Variants in RICTOR observed in about 807,000 individuals in gnomAD.
RICTOR encodes the protein rapamycin-insensitive companion of mTOR.
In RICTOR, 49 loss-of-function variants were observed where a neutral mutation model predicts 214.9. The ratio of observed to expected loss-of-function variants is 0.23; its 90% CI spans 0.18 to 0.29. The LOEUF is 0.29. Ranked by LOEUF, RICTOR falls within the 10% of genes least tolerant of loss-of-function variation. The pLI is 1.00. For synonymous variants in RICTOR, 717 were observed against 711.3 expected (o/e 1.01, Z -0.13); for missense variants, 1,625 against 2,047.0 (o/e 0.79, Z 3.98).
At chr5:39,046,028 AAAATAAATAAATAAATAAAT>A (rs141969707) in intron 2 of RICTOR, among the ~76,000 whole-genome samples, 1 of 140,236 alleles carries the variant, frequency 7.1e-6, no homozygotes, top group African/African-American at 2.7e-5. Context: ...TCTGTCTTTA[AAAATAAATAAATAAATAAAT>A]AAATAAATAA....
At chr5:38,970,756 AT>A (rs1455507703) in intron 11 of RICTOR, 3 of 152,184 alleles carry the variant, frequency 2.0e-5, no homozygotes, top group African/African-American at 7.2e-5. Context: ...TATAATACAA[AT>A]TCTTACAAAT....
chr5:39,035,041 C>A (rs1239756945), intron 2 of RICTOR, among the ~76,000 whole-genome samples: 1 of 152,210 alleles, frequency 6.6e-6, no homozygotes, highest in Non-Finnish European at 1.5e-5. Flanking sequence ...TGACCCCTGA[C>A]CCCTGAGCAG....
At chr5:39,052,616 G>C (rs1757928549) in intron 2 of RICTOR, among the ~76,000 whole-genome samples, 1 of 152,130 alleles carries the variant, frequency 6.6e-6, no homozygotes, top group South Asian at 2.1e-4. Context: ...ATAATTTGCA[G>C]TTTATATTTT....
At position 38,989,711 on chromosome 5, in the gene RICTOR, AAAG is replaced by A. The variant is rs1303363402; in HGVS notation, c.583+1235_583+1237del. Among the ~76,000 whole-genome samples the A allele has an allele frequency of 3.9e-5, 6 of 152,230 alleles. 1 individual carries two copies. The highest frequency in any genetic ancestry group is 3.3e-4 in the Admixed American group (5 of 15,284). ...AAAGGATATGAACAGACACTTCTCAAAAGAAGACATTTATGTGGCCAACAAACA... is the reference window on the plus strand; with the variant it reads ...AAAGGATATGAACAGACACTTCTCAAAAGACATTTATGTGGCCAACAAACA... On this transcript the variant is annotated intron_variant, in intron 7 of 37. Transcript: ENST00000357387.
rs1213795160 is a variant in RICTOR, at chr5:38,941,439, G to T, written c.*865C>A. 1.3e-5 allele frequency: 3 copies of T among 231,534 alleles called. No individual in the cohort carries two copies. Among genetic ancestry groups the T allele is most frequent in the Admixed American group, 1.1e-4 (2 of 17,680 alleles). 14.3% of individuals were successfully genotyped at this position (231,534 alleles called of 1,614,324 possible). Reference sequence around the variant, plus strand: ...TATTTAATGCTTTCCTATCCTTTAGGTCTAAACTAACAGTGCTTGTTCAAG... The same window carrying T: ...TATTTAATGCTTTCCTATCCTTTAGTTCTAAACTAACAGTGCTTGTTCAAG... On this transcript the variant is annotated 3_prime_UTR_variant, in exon 38 of 38. Transcript: ENST00000357387.
intron 2 of RICTOR, among the ~76,000 whole-genome samples, chr5:39,033,509 G>A (rs750724680): frequency 2.6e-5 from 4 of 152,174 alleles, no homozygotes; most frequent in Non-Finnish European, 4.4e-5. Context: ...TGATCCACCC[G>A]TCTTGGCCTC....
At chr5:39,046,738 T>G (rs1160610023) in intron 2 of RICTOR, among the ~76,000 whole-genome samples, 1 of 152,186 alleles carries the variant, frequency 6.6e-6, no homozygotes, top group Non-Finnish European at 1.5e-5. Context: ...GTTTAAAGAT[T>G]TGTATTCCCT....
chr5:38,979,243 A>C (rs1751500526), intron 8 of RICTOR, among the ~76,000 whole-genome samples: 1 of 152,124 alleles, frequency 6.6e-6, no homozygotes, highest in Admixed American at 6.5e-5. Context: ...TTGAACTCCT[A>C]GGCTCAAGCA....
At chr5:38,954,187 C>T (rs1411537436) in intron 27 of RICTOR, among the ~76,000 whole-genome samples, 1 of 151,800 alleles carries the variant, frequency 6.6e-6, no homozygotes, top group Non-Finnish European at 1.5e-5. Flanking sequence ...ACAAATATTC[C>T]TATAACTTTA....
chr5:39,023,127 C>T (rs1355660804), intron 2 of RICTOR, among the ~76,000 whole-genome samples: 1 of 149,322 alleles, frequency 6.7e-6, no homozygotes, highest in Non-Finnish European at 1.5e-5. Context: ...AACAAACAAA[C>T]AAAAAAGGAT....
At chr5:38,990,861 T>TATGATATATATATGATAGATATAA (rs1752720475) in intron 7 of RICTOR, 88 bp downstream of exon 7, 2 of 591,612 alleles carry the variant, frequency 3.4e-6, no homozygotes, top group East Asian at 6.9e-5. Flanking sequence ...GATATATATA[T>TATGATATATATATGATAGATATAA]GATAGATATA....
At chr5:39,006,877 T>G (rs776690271) in intron 3 of RICTOR, among the ~76,000 whole-genome samples, 41 of 152,096 alleles carry the variant, frequency 2.7e-4, no homozygotes, top group Non-Finnish European at 7.4e-5. Context: ...AATACTGGTA[T>G]TCCTTAAAAT....
Position 38,964,813 on chromosome 5 carries a change from T to C in RICTOR, c.1379A>G (p.Asp460Gly). 6.3e-7 allele frequency: 1 copy of C among 1,591,572 alleles called. No individual in the cohort carries two copies. Among genetic ancestry groups the C allele is most frequent in the Non-Finnish European group, 8.6e-7 (1 of 1,162,756 alleles). ...TTACAGTCTCTTTTCCTTGGGGATA[T>C]CAAAGGATGCAGCCATATTCATTAG... ...PTLMNMAASF[D>G]IPKEKRLRAS... is the part of the protein sequence containing the mutation. The change falls in exon 16 of 38, where the codon GAT becomes GGT. Residue 460 changes from aspartate to glycine, a missense_variant. Coordinates refer to ENST00000357387, the MANE Select transcript of RICTOR (RefSeq NM_152756.5).
intron 10 of RICTOR, among the ~76,000 whole-genome samples, chr5:38,974,378 T>C (rs74945186): frequency 2.6e-3 from 396 of 151,846 alleles, no homozygotes; most frequent in African/African-American, 8.8e-3. Context: ...CCAGGGGAAA[T>C]TGAAACACAG....
intron 10 of RICTOR, among the ~76,000 whole-genome samples, chr5:38,972,522 G>A (rs1032514798): frequency 6.6e-6 from 1 of 152,114 alleles, no homozygotes; most frequent in African/African-American, 2.4e-5. Flanking sequence ...AATATCATTA[G>A]TCATCAGGGA....
chr5:38,998,089 C>A (rs1353346722), intron 5 of RICTOR, among the ~76,000 whole-genome samples: 1 of 151,938 alleles, frequency 6.6e-6, no homozygotes, highest in Non-Finnish European at 1.5e-5. Flanking sequence ...TGAAAAGATT[C>A]TGCTCAATAT....
intron 3 of RICTOR, among the ~76,000 whole-genome samples, chr5:39,019,407 A>G (rs574832290): frequency 6.6e-6 from 1 of 152,292 alleles, no homozygotes; most frequent in East Asian, 1.9e-4. Flanking sequence ...GTCTGGGGCT[A>G]ATGCAGCTCG....
At position 38,960,601 on chromosome 5, in the gene RICTOR, C is replaced by T. The variant is rs577367202; in HGVS notation, c.1716-68G>A. 1.6e-5 allele frequency: 23 copies of T among 1,482,814 alleles called. No homozygotes were observed. The East Asian group carries it at 4.8e-4, about 31-fold the overall frequency. 91.9% of individuals were successfully genotyped at this position (1,482,814 alleles called of 1,614,324 possible). On this transcript the variant is annotated intron_variant, in intron 19 of 37. Transcript: ENST00000357387. ...AATTATTTTAGAATCTTAACCATTA[C>T]TTATGACATAATAAGGCTTTCAGAA... is the stretch of plus-strand genomic sequence containing the variant.
intron 7 of RICTOR, among the ~76,000 whole-genome samples, chr5:38,983,855 C>T (rs575260363): frequency 1.3e-5 from 2 of 152,188 alleles, no homozygotes; most frequent in African/African-American, 2.4e-5. Flanking sequence ...GTCCCAGCTA[C>T]TTGGGAGGCT....
Sources: gnomAD v4.1 joint callset for allele counts (sites outside exome capture counted in the v4.1 genomes callset) on GRCh38, gnomAD v4.1.1 for gene constraint, MANE v1.5 for transcripts, NCBI Gene and HGNC (gene_info 2026-07-23, HGNC 2026-07-21) for gene names.